EPHA3: variants seen among roughly 807,000 people sequenced by gnomAD.
EPHA3 encodes the protein EPH receptor A3, also known as ephrin type-A receptor 3.
In EPHA3, 42 loss-of-function variants were observed where a neutral mutation model predicts 107.1. The ratio of observed to expected loss-of-function variants is 0.39; its 90% confidence interval spans 0.31 to 0.51. The LOEUF (loss-of-function observed/expected upper bound fraction) is 0.51, where lower values mean the gene tolerates loss of function less well. EPHA3 is among the 20% of genes least tolerant of loss of function. The pLI, the probability that EPHA3 is intolerant of heterozygous loss-of-function variation, is 0.78. For synonymous variants in EPHA3, 461 were observed against 424.8 expected (o/e 1.09, Z -1.05); for missense variants, 1,183 against 1,211.2 (o/e 0.98, Z 0.35).
intron 15 of EPHA3, among the ~76,000 whole-genome samples, chr3:89,452,604 A>G (rs1470472313): frequency 1.3e-5 from 2 of 152,126 alleles, no homozygotes; most frequent in African/African-American, 4.8e-5. Flanking sequence ...TTAGCCACCT[A>G]TGAGATATAT....
intron 5 of EPHA3, among the ~76,000 whole-genome samples, chr3:89,343,965 T>C (rs1021950178): frequency 2.0e-5 from 3 of 152,218 alleles, no homozygotes; most frequent in African/African-American, 7.2e-5. Context: ...ACTGCAATAC[T>C]GTTGCTATAT....
Position 89,140,960 on chromosome 3 carries a change from T to A in EPHA3, c.153+13687T>A, listed in dbSNP as rs557416899. On this transcript the variant is annotated intron_variant, in intron 2 of 16. Transcript: ENST00000336596. ...TATACTATTCCTAGTGCTTTCGATA[T>A]ATCATTTCATTTAATTCTCACCACA... Among the ~76,000 whole-genome samples, 210 of 151,654 alleles carry A rather than the reference T, an allele frequency of 1.4e-3. 1 individual carries two copies. The highest frequency in any genetic ancestry group is 2.6e-3 in the Non-Finnish European group (178 of 67,752).
intron 3 of EPHA3, among the ~76,000 whole-genome samples, chr3:89,273,369 C>T (rs1275524438): frequency 6.6e-6 from 1 of 151,962 alleles, no homozygotes; most frequent in Non-Finnish European, 1.5e-5. Flanking sequence ...TTATATCTCT[C>T]ACTGTTTATA....
chr3:89,262,068 TG>T (rs1705430167), intron 3 of EPHA3, among the ~76,000 whole-genome samples: 1 of 152,120 alleles, frequency 6.6e-6, no homozygotes, highest in African/African-American at 2.4e-5. Flanking sequence ...TAGTTTTCAC[TG>T]GAAAGAACCC....
chr3:89,117,708 T>C (rs1707289073), intron 1 of EPHA3, among the ~76,000 whole-genome samples: 2 of 152,074 alleles, frequency 1.3e-5, no homozygotes, highest in African/African-American at 2.4e-5. Context: ...CATTATGGCA[T>C]AATTTTTTTT....
chr3:89,148,129 C>A (rs1365918648), intron 2 of EPHA3, among the ~76,000 whole-genome samples: 2 of 151,866 alleles, frequency 1.3e-5, no homozygotes, highest in East Asian at 1.9e-4. Context: ...CAGTCAGTAA[C>A]ACACACATGT....
chr3:89,419,140 C>T (rs1393225264), intron 10 of EPHA3, 65 bp from the exon 11 acceptor site: 2 of 1,450,332 alleles, frequency 1.4e-6, no homozygotes, highest in African/African-American at 1.4e-5. Context: ...AAAACAGTTG[C>T]TCTCTACTGA....
chr3:89,239,116 CTTTGTAGCT>C (rs1264495435), intron 3 of EPHA3, among the ~76,000 whole-genome samples: 1 of 152,102 alleles, frequency 6.6e-6, no homozygotes, highest in African/African-American at 2.4e-5. Context: ...TCCTTCTAGG[CTTTGTAGCT>C]CAAAGTCAAA....
intron 3 of EPHA3, among the ~76,000 whole-genome samples, chr3:89,304,431 C>CT (rs1706563166): frequency 1.3e-5 from 2 of 152,028 alleles, no homozygotes; most frequent in African/African-American, 4.8e-5. Context: ...TACAATTTGA[C>CT]TTTTGAGACT....
chr3:89,370,303 T>G (rs570044428), intron 5 of EPHA3, among the ~76,000 whole-genome samples: 1 of 151,876 alleles, frequency 6.6e-6, no homozygotes, highest in African/African-American at 2.4e-5. Context: ...GTGGCACATA[T>G]ACACCATGGA....
chr3:89,438,210 G>T (rs1277821829), intron 13 of EPHA3, among the ~76,000 whole-genome samples: 1 of 151,844 alleles, frequency 6.6e-6, no homozygotes, highest in Non-Finnish European at 1.5e-5. Context: ...CCGGGTTCAC[G>T]CCATTCTCCT....
At chr3:89,108,586 G>T (rs1707028096) in intron 1 of EPHA3, among the ~76,000 whole-genome samples, 1 of 152,176 alleles carries the variant, frequency 6.6e-6, no homozygotes, top group Admixed American at 6.5e-5. Flanking sequence ...GATTAAGAGA[G>T]AATGTTCATA....
At chr3:89,192,324 G>A (rs900694082) in intron 2 of EPHA3, among the ~76,000 whole-genome samples, 1 of 152,098 alleles carries the variant, frequency 6.6e-6, no homozygotes, top group Non-Finnish European at 1.5e-5. Context: ...TGCTGATATT[G>A]AAAATGATGT....
chr3:89,459,938 A>G (rs1346398415), intron 15 of EPHA3, among the ~76,000 whole-genome samples: 1 of 152,236 alleles, frequency 6.6e-6, no homozygotes, highest in African/African-American at 2.4e-5. Flanking sequence ...TTTTGTACAT[A>G]TAAGAGAAAT....
At chr3:89,347,111 G>A (rs1394316081) in intron 5 of EPHA3, among the ~76,000 whole-genome samples, 1 of 143,642 alleles carries the variant, frequency 7.0e-6, no homozygotes, top group Non-Finnish European at 1.5e-5. Flanking sequence ...GCTCTTTTTT[G>A]GTTCCATATG....
intron 10 of EPHA3, among the ~76,000 whole-genome samples, chr3:89,414,869 G>T (rs1242282358): frequency 6.6e-6 from 1 of 151,564 alleles, no homozygotes; most frequent in East Asian, 1.9e-4. Flanking sequence ...CTTAATCCCT[G>T]ATGCTCATTA....
chr3:89,468,683 A>C (rs1244475916), intron 15 of EPHA3, among the ~76,000 whole-genome samples: 1 of 152,158 alleles, frequency 6.6e-6, no homozygotes. Context: ...TTTTCTTCTA[A>C]AATCTTCTCA....
At chr3:89,260,812 C>T (rs1371157162) in intron 3 of EPHA3, among the ~76,000 whole-genome samples, 1 of 152,132 alleles carries the variant, frequency 6.6e-6, no homozygotes, top group Non-Finnish European at 1.5e-5. Flanking sequence ...TCAAAATCAC[C>T]CTCTGTGCTG....
chr3:89,210,280 T>C lies in EPHA3; in HGVS notation c.574T>C (p.Leu192=). The C allele has an allele frequency of 6.2e-7, 1 of 1,613,980 alleles. No individual in the cohort carries two copies. Among genetic ancestry groups the C allele is most frequent in the South Asian group, 1.1e-5 (1 of 91,074 alleles). Residue 192 remains leucine (L), a synonymous_variant, in exon 3 of 17, where the codon TTG becomes CTG. Coordinates refer to ENST00000336596, the MANE Select transcript of EPHA3 (RefSeq NM_005233.6). ...TCAAGATGTTGGTGCTTGTGTTGCC[T>C]TGGTGTCTGTGAGAGTATACTTCAA... The part of the protein sequence containing the change: ...AFQDVGACVA[L]VSVRVYFKKC...
Sources: allele counts gnomAD v4.1 joint callset (sites outside exome capture counted in the v4.1 genomes callset), GRCh38; gene constraint gnomAD v4.1.1; transcripts MANE v1.5; gene names NCBI Gene and HGNC (gene_info 2026-07-23, HGNC 2026-07-21).